SCTR: variants seen among roughly 807,000 people sequenced by gnomAD.
SCTR encodes pancreatic secretin receptor.
In SCTR, 56 loss-of-function variants were observed where a neutral mutation model predicts 60.8. The observed-to-expected ratio is 0.92, with a 90% CI of 0.74 to 1.15. SCTR has a LOEUF of 1.15. Ranked by LOEUF, SCTR falls within the 50% of genes most tolerant of loss-of-function variation. The pLI, the probability that SCTR is intolerant of heterozygous loss-of-function variation, is 0.00. For missense variants in SCTR, 562 were observed against 550.4 expected, an observed-to-expected ratio of 1.02 and a Z score of -0.21; for synonymous variants, 202 against 217.0, an observed-to-expected ratio of 0.93 and a Z score of 0.61.
intron 5 of SCTR, among the ~76,000 whole-genome samples, chr2:119,465,451 C>T (rs1194411427): frequency 6.6e-6 from 1 of 152,158 alleles, no homozygotes; most frequent in Non-Finnish European, 1.5e-5. Context: ...TTTTCTTATG[C>T]TGTTTCGAGG....
At chr2:119,498,384 T>A (rs1573906805) in intron 1 of SCTR, among the ~76,000 whole-genome samples, 1 of 152,004 alleles carries the variant, frequency 6.6e-6, no homozygotes, top group Non-Finnish European at 1.5e-5. Context: ...CTTCTCTAAA[T>A]ATAAAGAAAA....
At chr2:119,455,023 G>A (rs962938813) in intron 7 of SCTR, among the ~76,000 whole-genome samples, 4 of 129,322 alleles carry the variant, frequency 3.1e-5, no homozygotes, top group Non-Finnish European at 6.7e-5. Flanking sequence ...TAAGCTAGAT[G>A]TATGGCTCAG....
intron 1 of SCTR, among the ~76,000 whole-genome samples, chr2:119,506,975 T>C (rs1034625624): frequency 1.3e-5 from 2 of 152,226 alleles, no homozygotes; most frequent in Non-Finnish European, 2.9e-5. Flanking sequence ...GTACTGTCTA[T>C]ATATAGTTTT....
rs1553459843 is a variant in SCTR at position 119,450,078 on chromosome 2, A to ATAAATAAAT, written c.922-1299_922-1298insATTTATTTA. Reference sequence around the variant, plus strand: ...AGAAAGAAAAAGAAAGAAAGAAAGAAAAATAAATAAATAAATAAATAAATA... The same window carrying ATAAATAAAT: ...AGAAAGAAAAAGAAAGAAAGAAAGAATAAATAAATAAATAAATAAATAAATAAATAAATA... On this transcript the variant is annotated intron_variant, in intron 9 of 12. Transcript: ENST00000019103. 4.1e-3 allele frequency among the ~76,000 whole-genome samples: 597 copies of ATAAATAAAT among 145,170 alleles called. 4 individuals are homozygous for ATAAATAAAT. The highest frequency in any genetic ancestry group is 0.015 in the African/African-American group (549 of 36,602).
Position 119,484,127 on chromosome 2 carries a change from G to A in SCTR, c.194-5209C>T, listed in dbSNP as rs547678259. 2.1e-4 allele frequency among the ~76,000 whole-genome samples: 32 copies of A among 152,202 alleles called. No individual in the cohort carries two copies. In the East Asian group the frequency reaches 3.5e-3, roughly 17 times the overall value. The stretch of plus-strand genomic sequence containing the variant: ...CTCACTGCCTGACTTGGGGGTAAGC[G>A]GCATTCATTGAGATAGGGGATGGGG... On this transcript the variant is annotated intron_variant, in intron 2 of 12. Transcript: ENST00000019103.
intron 7 of SCTR, among the ~76,000 whole-genome samples, chr2:119,454,724 C>T (rs1683306198): frequency 6.6e-6 from 1 of 152,022 alleles, no homozygotes; most frequent in South Asian, 2.1e-4. Context: ...CATGGTGGTG[C>T]ATGCCTGTAA....
intron 12 of SCTR, 146 bp downstream of exon 12, chr2:119,441,412 T>C (rs753067740): frequency 1.2e-5 from 8 of 656,440 alleles, no homozygotes; most frequent in East Asian, 8.3e-5. Flanking sequence ...CTAAAAGAAC[T>C]GGCCAAGCCA....
intron 4 of SCTR, among the ~76,000 whole-genome samples, chr2:119,469,961 G>A (rs988911031): frequency 6.6e-6 from 1 of 152,158 alleles, no homozygotes; most frequent in African/African-American, 2.4e-5. Context: ...GACATTTTTT[G>A]TTAAGGGACA....
In SCTR at chr2:119,448,690, T is replaced by A; in HGVS notation, c.1012A>T (p.Lys338Ter). Residue 338 changes from lysine (K) to a stop codon, truncating the protein, a stop_gained and splice_region_variant, in exon 10 of 13, where the codon AAG becomes TAG. Transcript: ENST00000019103. LOFTEE classifies it high-confidence loss of function. ...ETRGNEVSHYKRLARSTLLLI... is the reference protein window; with the variant it reads ...ETRGNEVSHY ...CCTCAGTCTTTGCCCTTCACTTACT[T>A]ATAATGGCTGACTTCATTTCCTCTT... The A allele has an allele frequency of 6.4e-7, 1 of 1,557,122 alleles. No homozygotes were observed. Among genetic ancestry groups the A allele is most frequent in the South Asian group, 1.1e-5 (1 of 89,848 alleles).
At chr2:119,509,512 G>T (rs182254555) in intron 1 of SCTR, among the ~76,000 whole-genome samples, 1 of 152,238 alleles carries the variant, frequency 6.6e-6, no homozygotes, top group African/African-American at 2.4e-5. Context: ...GTTAGAAATG[G>T]GATAACATAT....
chr2:119,462,528 A>T (rs1478008474), intron 6 of SCTR, among the ~76,000 whole-genome samples: 2 of 152,220 alleles, frequency 1.3e-5, no homozygotes, highest in African/African-American at 4.8e-5. Context: ...CACATATCTG[A>T]TGGGGATGTC....
At chr2:119,444,438 CATAT>C (rs374717905) in intron 11 of SCTR, among the ~76,000 whole-genome samples, 1 of 37,728 alleles carries the variant, frequency 2.7e-5, no homozygotes, top group East Asian at 5.9e-4. Context: ...TGAATATACA[CATAT>C]ATATACGTAC....
intron 7 of SCTR, 133 bp from the exon 8 acceptor site, chr2:119,453,480 C>A: frequency 1.4e-6 from 1 of 706,688 alleles, no homozygotes; most frequent in Non-Finnish European, 2.5e-6. Context: ...ACAGAAACCC[C>A]TCTGCCATCT....
chr2:119,449,232 A>G (rs754859662), intron 9 of SCTR, among the ~76,000 whole-genome samples: 5 of 152,200 alleles, frequency 3.3e-5, no homozygotes, highest in Non-Finnish European at 7.3e-5. Context: ...GTTATGGTTC[A>G]GTAAGTCTGG....
intron 6 of SCTR, 31 bp from the exon 7 acceptor site, chr2:119,462,031 C>A: frequency 6.3e-7 from 1 of 1,575,152 alleles, no homozygotes; most frequent in Non-Finnish European, 8.6e-7. Context: ...GAACCCAGGC[C>A]GGGTGGCAGT....
intron 7 of SCTR, 82 bp from the exon 8 acceptor site, chr2:119,453,429 C>A: frequency 9.1e-7 from 1 of 1,096,986 alleles, no homozygotes; most frequent in Non-Finnish European, 1.4e-6. Flanking sequence ...CAATTGGTTA[C>A]CCCAGCCCAG....
chr2:119,497,048 A>G (rs1239915230), intron 1 of SCTR, among the ~76,000 whole-genome samples: 1 of 152,232 alleles, frequency 6.6e-6, no homozygotes, highest in Non-Finnish European at 1.5e-5. Context: ...AGTGGAAACT[A>G]GACTACTACC....
At chr2:119,510,007 T>G in intron 1 of SCTR, among the ~76,000 whole-genome samples, 1 of 152,150 alleles carries the variant, frequency 6.6e-6, no homozygotes, top group East Asian at 1.9e-4. Flanking sequence ...TATTTTACTT[T>G]AAGTTCTAGG....
chr2:119,523,488 C>G (rs1000988182), intron 1 of SCTR, among the ~76,000 whole-genome samples: 2 of 151,270 alleles, frequency 1.3e-5, no homozygotes, highest in Non-Finnish European at 2.9e-5. Context: ...GGAACAGCAG[C>G]GCCCTGGAGC....
Sources: allele counts gnomAD v4.1 joint callset (sites outside exome capture counted in the v4.1 genomes callset), GRCh38; gene constraint gnomAD v4.1.1; transcripts MANE v1.5; gene names NCBI Gene and HGNC (gene_info 2026-07-23, HGNC 2026-07-21).